The following EDN1 variants were observed in gnomAD, a reference collection of about 807,000 sequenced individuals.
EDN1 encodes the protein endothelin-1.
In EDN1, 11 loss-of-function variants were observed where a neutral mutation model predicts 21.7. That is an observed-to-expected ratio of 0.51 (90% CI 0.32 to 0.84). The LOEUF is 0.84. Among genes scored for constraint, EDN1 ranks in the 40% least tolerant of loss-of-function variants. EDN1 has a pLI of 0.03. For synonymous variants in EDN1, 85 were observed against 90.6 expected (o/e 0.94, Z 0.35); for missense variants, 244 against 262.3 (o/e 0.93, Z 0.48).
the EDN1 span, among the ~76,000 whole-genome samples, chr6:12,272,954 A>G: frequency 6.6e-6 from 1 of 152,238 alleles, no homozygotes; most frequent in East Asian, 1.9e-4. Flanking sequence ...CCAGGTGTTA[A>G]TCAATGTCCT....
chr6:12,242,615 A>G, the EDN1 span, among the ~76,000 whole-genome samples: 1 of 152,140 alleles, frequency 6.6e-6, no homozygotes, highest in African/African-American at 2.4e-5. Flanking sequence ...GAGGGGAGAT[A>G]GTGAGGTGCT....
the EDN1 span, among the ~76,000 whole-genome samples, chr6:12,233,407 T>G: frequency 6.6e-6 from 1 of 152,214 alleles, no homozygotes; most frequent in African/African-American, 2.4e-5. Flanking sequence ...ACCCGCCTTC[T>G]TCCTCCACCA....
At chr6:12,292,273 C>T (rs1762701722) in intron 1 of EDN1, 68 bp from the exon 2 acceptor site, 1 of 1,599,022 alleles carries the variant, frequency 6.3e-7, no homozygotes. Flanking sequence ...TCTGACTCTA[C>T]TGTGATCCAG....
the EDN1 span, among the ~76,000 whole-genome samples, chr6:12,262,772 T>C: frequency 6.6e-6 from 1 of 150,838 alleles, no homozygotes; most frequent in African/African-American, 2.4e-5. Flanking sequence ...CTTGGGAGGC[T>C]GAGGCAAGAG....
At chr6:12,279,741 C>T in the EDN1 span, among the ~76,000 whole-genome samples, 1 of 152,162 alleles carries the variant, frequency 6.6e-6, no homozygotes, top group African/African-American at 2.4e-5. Flanking sequence ...TGAAAATGAT[C>T]AGAACCTTAA....
the EDN1 span, among the ~76,000 whole-genome samples, chr6:12,257,863 C>G: frequency 4.6e-5 from 7 of 152,170 alleles, no homozygotes; most frequent in Admixed American, 6.5e-5. Context: ...TTGTATGCTG[C>G]AGATAATAGT....
At chr6:12,242,442 T>G in the EDN1 span, among the ~76,000 whole-genome samples, 1 of 152,240 alleles carries the variant, frequency 6.6e-6, no homozygotes, top group Non-Finnish European at 1.5e-5. Flanking sequence ...TGCTACTTTG[T>G]GACTGTGTAG....
the EDN1 span, among the ~76,000 whole-genome samples, chr6:12,231,424 A>G: frequency 6.6e-6 from 1 of 152,234 alleles, no homozygotes; most frequent in African/African-American, 2.4e-5. Flanking sequence ...ATGGAGTGAA[A>G]TCCATTCAAG....
chr6:12,290,413 C>T lies in EDN1; in HGVS notation c.-217C>T. ...GAACGGGTCCTGCGCCTCCTGCAGTCCCAGCTCTCCACCGCCGCGTGCGCC... is the reference window on the plus strand; with the variant it reads ...GAACGGGTCCTGCGCCTCCTGCAGTTCCAGCTCTCCACCGCCGCGTGCGCC... On this transcript the variant is annotated 5_prime_UTR_variant, in exon 1 of 5. Coordinates refer to ENST00000379375, the MANE Select transcript of EDN1 (RefSeq NM_001955.5). The T allele has an allele frequency of 1.7e-6, 1 of 586,600 alleles. No homozygotes were observed. Among genetic ancestry groups the T allele is most frequent in the Non-Finnish European group, 3.0e-6 (1 of 330,350 alleles). The allele number at this position is 586,600 out of a possible 1,614,324, so 36.3% of individuals were successfully genotyped here.
At chr6:12,243,976 C>A in the EDN1 span, among the ~76,000 whole-genome samples, 2 of 152,042 alleles carry the variant, frequency 1.3e-5, no homozygotes, top group African/African-American at 4.8e-5. Context: ...GAGATGTTAT[C>A]TCACTGCAGA....
the EDN1 span, among the ~76,000 whole-genome samples, chr6:12,267,145 C>T: frequency 6.6e-6 from 1 of 152,128 alleles, no homozygotes; most frequent in African/African-American, 2.4e-5. Flanking sequence ...TTTGTAGCAA[C>T]CTTGCATTGA....
At chr6:12,274,989 C>T in the EDN1 span, among the ~76,000 whole-genome samples, 1 of 145,866 alleles carries the variant, frequency 6.9e-6, no homozygotes, top group Non-Finnish European at 1.5e-5. Flanking sequence ...TCCTTCCCTC[C>T]CTCCCTCCCT....
the EDN1 span, among the ~76,000 whole-genome samples, chr6:12,247,315 G>A: frequency 2.0e-4 from 31 of 152,086 alleles, no homozygotes; most frequent in Admixed American, 2.0e-3. Context: ...GTGAATGTGG[G>A]TACCTTGAAG....
the EDN1 span, among the ~76,000 whole-genome samples, chr6:12,271,119 T>A: frequency 1.3e-5 from 2 of 152,076 alleles, no homozygotes; most frequent in African/African-American, 4.8e-5. Flanking sequence ...GTTTTTTTTT[T>A]AAACTCTATT....
the EDN1 span, among the ~76,000 whole-genome samples, chr6:12,272,714 G>A: frequency 7.9e-5 from 12 of 151,132 alleles, no homozygotes; most frequent in South Asian, 2.1e-4. Flanking sequence ...TGATCCACCC[G>A]CCTCGGCCTC....
chr6:12,269,140 A>T, the EDN1 span, among the ~76,000 whole-genome samples: 129,866 of 152,018 alleles, frequency 0.85, 55,649 homozygotes, highest in East Asian at 0.98. Flanking sequence ...AGTTCTTTAT[A>T]GTTTTATAGA....
upstream of EDN1, among the ~76,000 whole-genome samples, chr6:12,289,013 G>C (rs757945848): frequency 6.6e-6 from 1 of 152,176 alleles, no homozygotes; most frequent in Non-Finnish European, 1.5e-5. Flanking sequence ...AAAATTCTGG[G>C]TGCTCAGTTG....
the EDN1 span, among the ~76,000 whole-genome samples, chr6:12,259,355 T>G: frequency 6.6e-6 from 1 of 151,152 alleles, no homozygotes; most frequent in Non-Finnish European, 1.5e-5. Context: ...GCATAGAGAT[T>G]TAAAGTAAGA....
chr6:12,293,953 G>T lies in EDN1; in HGVS notation c.246G>T (p.Pro82=), dbSNP rs376892399. ...IWVNTPEHVV[P]YGLGSPRSKR... The stretch of plus-strand genomic sequence containing the variant: ...CTTTGGATAATAGGCACGTTGTTCC[G>T]TATGGACTTGGAAGCCCTAGGTCCA... Residue 82 remains proline (P), a synonymous_variant, in exon 3 of 5, where the codon CCG becomes CCT. Transcript: ENST00000379375. 1 of 1,614,138 alleles carries T rather than the reference G, an allele frequency of 6.2e-7. No homozygotes were observed. Among genetic ancestry groups the T allele is most frequent in the African/African-American group, 1.3e-5 (1 of 75,038 alleles).
Sources: allele counts gnomAD v4.1 joint callset (sites outside exome capture counted in the v4.1 genomes callset), GRCh38; gene constraint gnomAD v4.1.1; transcripts MANE v1.5; gene names NCBI Gene and HGNC (gene_info 2026-07-23, HGNC 2026-07-21).